The following SLC8A3 variants were observed in gnomAD, a reference collection of about 807,000 sequenced individuals.
SLC8A3 encodes the protein sodium/calcium exchanger 3.
In SLC8A3, 37 loss-of-function variants were observed where a neutral mutation model predicts 65.4. The observed-to-expected ratio is 0.57, with a 90% CI of 0.44 to 0.74. The LOEUF is 0.74. SLC8A3 is among the 30% of genes least tolerant of loss of function. The pLI is 0.00. For synonymous variants in SLC8A3, 461 were observed against 444.5 expected, an observed-to-expected ratio of 1.04 and a Z score of -0.47; for missense variants, 1,112 against 1,172.1, an observed-to-expected ratio of 0.95 and a Z score of 0.75.
At chr14:70,187,733 G>A (rs530391613) in intron 1 of SLC8A3, among the ~76,000 whole-genome samples, 1 of 151,928 alleles carries the variant, frequency 6.6e-6, no homozygotes, top group Non-Finnish European at 1.5e-5. Flanking sequence ...ACCACCAGGG[G>A]CTGGAGAGTG....
At chr14:70,143,015 C>G (rs765511069) in intron 2 of SLC8A3, among the ~76,000 whole-genome samples, 3 of 152,204 alleles carry the variant, frequency 2.0e-5, no homozygotes, top group Non-Finnish European at 4.4e-5. Flanking sequence ...TCCTGAGTCT[C>G]ATTCTGTCCC....
intron 2 of SLC8A3, among the ~76,000 whole-genome samples, chr14:70,111,765 A>C (rs1893319117): frequency 6.6e-6 from 1 of 152,228 alleles, no homozygotes; most frequent in African/African-American, 2.4e-5. Flanking sequence ...TGGGAAATGG[A>C]AACGCTATTC....
intron 5 of SLC8A3, among the ~76,000 whole-genome samples, 189 bp from the exon 6 acceptor site, chr14:70,049,231 A>G (rs905569874): frequency 6.6e-6 from 1 of 152,222 alleles, no homozygotes; most frequent in African/African-American, 2.4e-5. Context: ...GCTGCCTCAT[A>G]GGTCAATTTG....
intron 2 of SLC8A3, among the ~76,000 whole-genome samples, chr14:70,089,743 G>T (rs563741561): frequency 7.9e-5 from 12 of 152,260 alleles, no homozygotes; most frequent in African/African-American, 2.9e-4. Context: ...TGTGACTTCC[G>T]TTTGCTGTTT....
chr14:70,154,917 A>G (rs1211126685), intron 2 of SLC8A3, among the ~76,000 whole-genome samples: 1 of 125,474 alleles, frequency 8.0e-6, no homozygotes, highest in African/African-American at 3.0e-5. Flanking sequence ...AATATTTATC[A>G]TTCTTTTTTT....
chr14:70,087,628 T>C (rs1247563379), intron 2 of SLC8A3, among the ~76,000 whole-genome samples: 1 of 152,238 alleles, frequency 6.6e-6, no homozygotes, highest in African/African-American at 2.4e-5. Flanking sequence ...AGAAAAATCA[T>C]TTGAGCTGCC....
intron 2 of SLC8A3, among the ~76,000 whole-genome samples, chr14:70,106,434 G>C (rs1244241778): frequency 6.6e-6 from 1 of 152,020 alleles, no homozygotes; most frequent in African/African-American, 2.4e-5. Context: ...GTATTTAGAG[G>C]CACCTTTGGA....
rs1886772613 is a variant in SLC8A3, at chr14:70,046,230, A to G, written c.2483T>C (p.Leu828Pro). The G allele has an allele frequency of 6.2e-7, 1 of 1,614,250 alleles. No individual in the cohort carries two copies. Among genetic ancestry groups the G allele is most frequent in the Non-Finnish European group, 8.5e-7 (1 of 1,180,036 alleles). Residue 828 changes from leucine to proline, a missense_variant, in exon 7 of 7, where the codon CTG becomes CCG. Physicochemically the swap from Leu to Pro is moderately conservative, Grantham distance 98. Coordinates refer to ENST00000356921, the MANE Select transcript of SLC8A3 (RefSeq NM_182932.3). The surrounding 1 kb of genome is among the most constrained non-coding windows in gnomAD (Gnocchi z 4.2). Reference protein sequence around the residue: ...VTGSNAVNVFLGIGLAWSVAA... With the variant: ...VTGSNAVNVFPGIGLAWSVAA... ...CACGGACCAGGCCAGGCCGATGCCC[A>G]GGAAGACATTGACGGCGTTGCTGCC... is the stretch of plus-strand genomic sequence containing the variant.
intron 1 of SLC8A3, among the ~76,000 whole-genome samples, chr14:70,178,408 G>A (rs917273902): frequency 2.0e-5 from 3 of 152,192 alleles, no homozygotes; most frequent in Admixed American, 2.0e-4. Context: ...CAGTATCTAA[G>A]TGTAAGCAAA....
intron 2 of SLC8A3, among the ~76,000 whole-genome samples, chr14:70,067,323 A>AAGTT (rs775664845): frequency 6.6e-5 from 10 of 152,296 alleles, no homozygotes; most frequent in African/African-American, 2.4e-4. Context: ...ACACAGCCTG[A>AAGTT]AGTTAGTTAG....
chr14:70,106,698 G>C (rs1356508232), intron 2 of SLC8A3, among the ~76,000 whole-genome samples: 1 of 152,086 alleles, frequency 6.6e-6, no homozygotes, highest in African/African-American at 2.4e-5. Context: ...CAGAGTTGAA[G>C]CCCATATTCA....
chr14:70,182,982 A>C (rs1882884737), intron 1 of SLC8A3, among the ~76,000 whole-genome samples: 1 of 152,210 alleles, frequency 6.6e-6, no homozygotes, highest in African/African-American at 2.4e-5. Context: ...TGAGGAACCC[A>C]GTGGAGAAAT....
chr14:70,063,054 C>T (rs986028610), intron 2 of SLC8A3, among the ~76,000 whole-genome samples: 1 of 152,196 alleles, frequency 6.6e-6, no homozygotes. Flanking sequence ...GGCAAAGATT[C>T]CATCCACTCT....
chr14:70,055,699 CA>C lies in SLC8A3; in HGVS notation c.1889-3586del, dbSNP rs1399668339. The C allele has an allele frequency of 4.1e-6, 4 of 964,650 alleles. No homozygotes were observed. The African/African-American group carries it at 6.6e-5, about 16-fold the overall frequency. 59.8% of individuals were successfully genotyped at this position (964,650 alleles called of 1,614,324 possible). ...AAATTGTCAGGTTAACTTGAGCCTG[CA>C]GTTCTTATTCAATAAATCAAAGGAC... On this transcript the variant is annotated intron_variant, in intron 3 of 6. Transcript: ENST00000356921.
At chr14:70,063,906 A>G in intron 2 of SLC8A3, 4 of 1,607,504 alleles carry the variant, frequency 2.5e-6, no homozygotes, top group Non-Finnish European at 3.4e-6. Context: ...CTCATCATCA[A>G]TTACCTTGAT....
chr14:70,185,284 C>A (rs1883104253), intron 1 of SLC8A3, among the ~76,000 whole-genome samples: 1 of 152,194 alleles, frequency 6.6e-6, no homozygotes, highest in African/African-American at 2.4e-5. Flanking sequence ...TTCTTTTTAT[C>A]TAATCTCAAT....
rs1291841705 is a variant in SLC8A3 at position 70,051,101 on chromosome 14, C to T, written c.2020G>A (p.Val674Met). The change falls in exon 5 of 7, where the codon GTG becomes ATG. Residue 674 changes from valine to methionine, a missense_variant. By Grantham distance (21) the Val-to-Met change is conservative. Coordinates refer to ENST00000356921, the MANE Select transcript of SLC8A3 (RefSeq NM_182932.3). ...TTTGTCTTCTTGATCAGTTTGTCCA[C>T]CGTAGTCTGTTAAGAAGAGAAAAAC... ...IEESYEFKTT[V>M]DKLIKKTNLA... 5.6e-6 allele frequency: 9 copies of T among 1,611,666 alleles called. No individual in the cohort carries two copies. The highest frequency in any genetic ancestry group is 5.5e-5 in the South Asian group (5 of 91,028).
intron 1 of SLC8A3, among the ~76,000 whole-genome samples, chr14:70,173,100 C>A (rs1396680579): frequency 6.6e-6 from 1 of 152,154 alleles, no homozygotes; most frequent in East Asian, 1.9e-4. Context: ...GCTGAGAAGA[C>A]AGGGTTTTAT....
rs1291511995 is a variant in SLC8A3 at position 70,188,802 on chromosome 14, C to T, written c.-486G>A. Reference sequence around the variant, plus strand: ...GCAGGAAGGCAAGCAGCCCGGCGCGCCCTGGCGGCTCCGAGGGACCTGGGC... The same window carrying T: ...GCAGGAAGGCAAGCAGCCCGGCGCGTCCTGGCGGCTCCGAGGGACCTGGGC... On this transcript the variant is annotated 5_prime_UTR_variant, in exon 1 of 7. Transcript: ENST00000356921. 1 of 152,126 alleles carries T rather than the reference C, an allele frequency of 6.6e-6. No homozygotes were observed. Among genetic ancestry groups the T allele is most frequent in the Non-Finnish European group, 1.5e-5 (1 of 68,002 alleles). 9.4% of individuals were successfully genotyped at this position (152,126 alleles called of 1,614,324 possible).
Sources: gnomAD v4.1 joint callset for allele counts (sites outside exome capture counted in the v4.1 genomes callset) on GRCh38, gnomAD v4.1.1 for gene constraint, Gnocchi (gnomAD v3.1) non-coding constraint, MANE v1.5 for transcripts, NCBI Gene and HGNC (gene_info 2026-07-23, HGNC 2026-07-21) for gene names.